The following PLEKHB2 variants were observed in gnomAD, a reference collection of about 807,000 sequenced individuals.
PLEKHB2 encodes the protein pleckstrin homology domain-containing family B member 2.
PLEKHB2 carries 31 observed loss-of-function variants against 36.5 expected under a neutral mutation model. That is an observed-to-expected ratio of 0.85 (90% CI 0.64 to 1.15). PLEKHB2 has a LOEUF of 1.15. PLEKHB2 is among the 50% of genes most tolerant of loss of function. The pLI is 0.00. For synonymous variants in PLEKHB2, 119 were observed against 112.0 expected, an observed-to-expected ratio of 1.06 and a Z score of -0.39; for missense variants, 262 against 295.3, an observed-to-expected ratio of 0.89 and a Z score of 0.83.
At chr2:131,139,273 C>A (rs1219014385) in intron 6 of PLEKHB2, among the ~76,000 whole-genome samples, 2 of 152,132 alleles carry the variant, frequency 1.3e-5, no homozygotes, top group Non-Finnish European at 1.5e-5. Flanking sequence ...AGTTCCTCTC[C>A]CGTCTGTCTT....
intron 7 of PLEKHB2, among the ~76,000 whole-genome samples, chr2:131,143,312 G>A (rs540922066): frequency 6.6e-6 from 1 of 152,248 alleles, no homozygotes; most frequent in East Asian, 1.9e-4. Flanking sequence ...GGTTTTTTGG[G>A]ATATGATTTA....
intron 4 of PLEKHB2, among the ~76,000 whole-genome samples, chr2:131,127,735 C>T (rs1368076417): frequency 2.0e-5 from 3 of 152,184 alleles, no homozygotes; most frequent in Non-Finnish European, 2.9e-5. Flanking sequence ...TCAATCCTAC[C>T]CGAATCCCAG....
intron 2 of PLEKHB2, among the ~76,000 whole-genome samples, chr2:131,123,605 A>C (rs1314199576): frequency 6.6e-6 from 1 of 151,600 alleles, no homozygotes; most frequent in African/African-American, 2.4e-5. Flanking sequence ...ACTTACTGCA[A>C]CCTCTGCCTC....
intron 1 of PLEKHB2, among the ~76,000 whole-genome samples, chr2:131,119,537 C>T (rs1016861563): frequency 5.9e-5 from 9 of 152,122 alleles, no homozygotes; most frequent in African/African-American, 2.2e-4. Context: ...GATGTTGCCG[C>T]GAGTGTTTAT....
intron 1 of PLEKHB2, among the ~76,000 whole-genome samples, chr2:131,108,817 A>C (rs1244625857): frequency 6.6e-6 from 1 of 152,230 alleles, no homozygotes; most frequent in Non-Finnish European, 1.5e-5. Context: ...TTGCTGTCAA[A>C]GCAGCTACCA....
rs190663514 is a variant in PLEKHB2, at chr2:131,128,854, G to A, written c.294-1867G>A. 4.6e-5 allele frequency among the ~76,000 whole-genome samples: 7 copies of A among 152,228 alleles called. No individual in the cohort carries two copies. The East Asian group carries it at 7.7e-4, about 17-fold the overall frequency. Reference sequence around the variant, plus strand: ...GCAAGAAAAATGTTCTGAAATAATCGAACTGAATTGGCAGACCAAAGTCCC... The same window carrying A: ...GCAAGAAAAATGTTCTGAAATAATCAAACTGAATTGGCAGACCAAAGTCCC... On this transcript the variant is annotated intron_variant, in intron 4 of 7. Coordinates refer to ENST00000693505, the MANE Select transcript of PLEKHB2 (RefSeq NM_001100623.2).
intron 1 of PLEKHB2, among the ~76,000 whole-genome samples, chr2:131,114,432 G>A (rs1573532237): frequency 6.6e-6 from 1 of 152,332 alleles, no homozygotes; most frequent in Non-Finnish European, 1.5e-5. Context: ...CTGCCCTGGA[G>A]ACATTTTGCC....
Position 131,143,407 on chromosome 2 carries a change from C to A in PLEKHB2, c.532+3132C>A, listed in dbSNP as rs1454663965. Among the ~76,000 whole-genome samples, 4 of 152,180 alleles carry A rather than the reference C, an allele frequency of 2.6e-5. No individual in the cohort carries two copies. The East Asian group carries it at 5.8e-4, about 22-fold the overall frequency. On this transcript the variant is annotated intron_variant, in intron 7 of 7. Coordinates refer to ENST00000693505, the MANE Select transcript of PLEKHB2 (RefSeq NM_001100623.2). ...GTCCATCACTGGCTTCAGCAGTTAA[C>A]CATATCATGTCTAATCTTTTATCTC...
intron 2 of PLEKHB2, among the ~76,000 whole-genome samples, chr2:131,124,654 A>G (rs1225328367): frequency 6.6e-6 from 1 of 152,190 alleles, no homozygotes; most frequent in African/African-American, 2.4e-5. Flanking sequence ...GGCCTGGTCT[A>G]TATCCTGCTG....
At chr2:131,142,282 T>C (rs1698866515) in intron 7 of PLEKHB2, among the ~76,000 whole-genome samples, 2 of 152,248 alleles carry the variant, frequency 1.3e-5, no homozygotes, top group Admixed American at 6.5e-5. Flanking sequence ...ACAGTGTTAT[T>C]TGAGGACCTC....
At chr2:131,120,670 T>G in intron 1 of PLEKHB2, 3 of 526,202 alleles carry the variant, frequency 5.7e-6, no homozygotes, top group African/African-American at 1.9e-5. Flanking sequence ...GGCTGCTTTA[T>G]GTTTGTTGAG....
intron 1 of PLEKHB2, among the ~76,000 whole-genome samples, chr2:131,117,145 A>G (rs895721886): frequency 3.9e-5 from 6 of 152,036 alleles, no homozygotes; most frequent in South Asian, 2.1e-4. Flanking sequence ...AATGTAGCCA[A>G]ATTAATATCA....
intron 6 of PLEKHB2, 45 bp from the exon 7 acceptor site, chr2:131,140,122 C>A: frequency 8.7e-7 from 1 of 1,152,750 alleles, no homozygotes; most frequent in South Asian, 1.3e-5. Context: ...AATACATTAC[C>A]AGAGGTTTCA....
intron 6 of PLEKHB2, among the ~76,000 whole-genome samples, chr2:131,139,288 C>G (rs1698551739): frequency 1.3e-5 from 2 of 152,154 alleles, no homozygotes; most frequent in Admixed American, 1.3e-4. Flanking sequence ...TGTCTTCTCT[C>G]TCTTCAGTCT....
At chr2:131,120,006 T>C (rs1339622269) in intron 1 of PLEKHB2, among the ~76,000 whole-genome samples, 2 of 151,230 alleles carry the variant, frequency 1.3e-5, no homozygotes, top group African/African-American at 4.9e-5. Context: ...TCTTACTCTG[T>C]TGCCCAGGCT....
chr2:131,140,115 A>G lies in PLEKHB2; in HGVS notation c.424-52A>G, dbSNP rs374269519. 1.1e-4 allele frequency: 114 copies of G among 1,084,520 alleles called. No individual in the cohort carries two copies. In the South Asian group the frequency reaches 1.5e-3, roughly 14 times the overall value. 67.2% of individuals were successfully genotyped at this position (1,084,520 alleles called of 1,614,324 possible). On this transcript the variant is annotated intron_variant, in intron 6 of 7. Coordinates refer to ENST00000693505, the MANE Select transcript of PLEKHB2 (RefSeq NM_001100623.2). The stretch of plus-strand genomic sequence containing the variant: ...GCAACCTGGAGACCACAATTTTAAT[A>G]CATTACCAGAGGTTTCACAATTGTA...
chr2:131,136,437 T>TGGC lies in PLEKHB2; in HGVS notation c.423+3447_423+3449dup, dbSNP rs1351551529. 7.9e-5 allele frequency among the ~76,000 whole-genome samples: 12 copies of TGGC among 151,586 alleles called. 1 individual carries two copies. The highest frequency in any genetic ancestry group is 2.9e-4 in the African/African-American group (12 of 40,926). ...GTTGCCCAGGGTGGTCTTGAACTCCTGGCCTCAAACAATCCTCCTGCCTGG... is the reference window on the plus strand; with the variant it reads ...GTTGCCCAGGGTGGTCTTGAACTCCTGGCGGCCTCAAACAATCCTCCTGCCTGG... On this transcript the variant is annotated intron_variant, in intron 6 of 7. Transcript: ENST00000693505.
intron 6 of PLEKHB2, among the ~76,000 whole-genome samples, chr2:131,136,040 C>T (rs536119016): frequency 1.3e-5 from 2 of 152,002 alleles, no homozygotes; most frequent in African/African-American, 2.4e-5. Context: ...ATTAAGTATG[C>T]TGTTAGCTGG....
rs1266369372 is a variant in PLEKHB2, at chr2:131,125,922, T to C, written c.190+17T>C. The stretch of plus-strand genomic sequence containing the variant: ...AATGTCGGGGTAAGCTGGCCTGTCT[T>C]GGCCAACTTCTGTCTTCTGCTCTTC... On this transcript the variant is annotated intron_variant, in intron 3 of 7. Coordinates refer to ENST00000693505, the MANE Select transcript of PLEKHB2 (RefSeq NM_001100623.2). 6.2e-7 allele frequency: 1 copy of C among 1,609,552 alleles called. No homozygotes were observed. Among genetic ancestry groups the C allele is most frequent in the Non-Finnish European group, 8.5e-7 (1 of 1,177,854 alleles).
Sources: allele counts gnomAD v4.1 joint callset (sites outside exome capture counted in the v4.1 genomes callset), GRCh38; gene constraint gnomAD v4.1.1; transcripts MANE v1.5; gene names NCBI Gene and HGNC (gene_info 2026-07-23, HGNC 2026-07-21).